The following TNPO1 variants were observed in gnomAD, a reference collection of about 807,000 sequenced individuals.
TNPO1 encodes transportin-1.
A neutral mutation model predicts 119.5 loss-of-function variants in TNPO1; 8 were observed. The ratio of observed to expected loss-of-function variants is 0.07; its 90% CI spans 0.04 to 0.12. The LOEUF (loss-of-function observed/expected upper bound fraction) is 0.12, where lower values mean the gene tolerates loss of function less well. Ranked by LOEUF, TNPO1 falls within the 10% of genes least tolerant of loss-of-function variation. The probability of loss-of-function intolerance (pLI) is 1.00; values close to 1 mark genes in which losing one functional copy is unlikely to be tolerated. For missense variants in TNPO1, 576 were observed against 1,089.8 expected (o/e 0.53, Z 6.64); for synonymous variants, 362 against 363.0 (o/e 1.00, Z 0.03).
intron 6 of TNPO1, among the ~76,000 whole-genome samples, chr5:72,866,386 C>A (rs1366322613): frequency 6.6e-6 from 1 of 152,140 alleles, no homozygotes; most frequent in Non-Finnish European, 1.5e-5. Context: ...GGAAGTTTCC[C>A]CCTTTTAACA....
At chr5:72,839,660 C>T (rs1310975575) in intron 1 of TNPO1, among the ~76,000 whole-genome samples, 4 of 152,080 alleles carry the variant, frequency 2.6e-5, no homozygotes, top group Non-Finnish European at 5.9e-5. Flanking sequence ...AGTCTGTATT[C>T]TGTTGTCTTT....
At chr5:72,872,332 TA>T (rs879749761) in intron 6 of TNPO1, among the ~76,000 whole-genome samples, 75 of 148,808 alleles carry the variant, frequency 5.0e-4, no homozygotes, top group African/African-American at 1.3e-3. Flanking sequence ...TGTAGGCATC[TA>T]AAAAAAAAAA....
At chr5:72,819,750 G>A (rs1428526975) in intron 1 of TNPO1, among the ~76,000 whole-genome samples, 1 of 152,118 alleles carries the variant, frequency 6.6e-6, no homozygotes, top group Non-Finnish European at 1.5e-5. Flanking sequence ...CAGGCGCTTT[G>A]GAGCCACACT....
chr5:72,826,324 T>G (rs575358155), intron 1 of TNPO1, among the ~76,000 whole-genome samples: 1 of 152,150 alleles, frequency 6.6e-6, no homozygotes, highest in Non-Finnish European at 1.5e-5. Flanking sequence ...GTACATCCTA[T>G]AAGCAAAAGA....
chr5:72,833,337 C>G (rs1299748416), intron 1 of TNPO1, among the ~76,000 whole-genome samples: 1 of 152,176 alleles, frequency 6.6e-6, no homozygotes, highest in African/African-American at 2.4e-5. Context: ...TCGTCCACCT[C>G]TACCTCCCTA....
At chr5:72,877,476 T>G in intron 9 of TNPO1, 130 bp downstream of exon 9, 1 of 499,504 alleles carries the variant, frequency 2.0e-6, no homozygotes, top group Non-Finnish European at 3.5e-6. Context: ...GACTTAATTT[T>G]ATTGTTGGTA....
chr5:72,838,561 G>A lies in TNPO1; in HGVS notation c.16-9824G>A, dbSNP rs545918896. ...TTTACCAGCTCCTTAAATTCAGTAAGTATAGCTATAATTAGTAACTTTCCT... is the reference window on the plus strand; with the variant it reads ...TTTACCAGCTCCTTAAATTCAGTAAATATAGCTATAATTAGTAACTTTCCT... On this transcript the variant is annotated intron_variant, in intron 1 of 24. Coordinates refer to ENST00000337273, the MANE Select transcript of TNPO1 (RefSeq NM_002270.4). Among the ~76,000 whole-genome samples the A allele has an allele frequency of 3.4e-4, 52 of 152,176 alleles. 1 individual carries two copies. In the South Asian group the frequency reaches 0.01, roughly 30 times the overall value.
chr5:72,878,106 A>G (rs1272374324), intron 9 of TNPO1, among the ~76,000 whole-genome samples: 1 of 152,196 alleles, frequency 6.6e-6, no homozygotes, highest in African/African-American at 2.4e-5. Flanking sequence ...CATGGTATAC[A>G]TAACCATATT....
At chr5:72,892,235 A>G (rs1749116007) in intron 15 of TNPO1, among the ~76,000 whole-genome samples, 1 of 152,030 alleles carries the variant, frequency 6.6e-6, no homozygotes, top group African/African-American at 2.4e-5. Context: ...GCCAGTAAGG[A>G]GGTACTTATT....
At chr5:72,888,583 C>T (rs955543218) in intron 13 of TNPO1, among the ~76,000 whole-genome samples, 5 of 152,184 alleles carry the variant, frequency 3.3e-5, no homozygotes, top group African/African-American at 1.2e-4. Flanking sequence ...CTAAATGTGA[C>T]AACATCGATC....
At chr5:72,893,850 T>A (rs953808756) in intron 18 of TNPO1, 147 bp downstream of exon 18, 2 of 791,148 alleles carry the variant, frequency 2.5e-6, no homozygotes, top group Non-Finnish European at 4.0e-6. Flanking sequence ...TTGCTGTGAT[T>A]GAAACAGGCA....
At chr5:72,908,070 T>C (rs937819586) in intron 24 of TNPO1, among the ~76,000 whole-genome samples, 2 of 151,918 alleles carry the variant, frequency 1.3e-5, no homozygotes, top group Non-Finnish European at 2.9e-5. Context: ...AATAAATAAA[T>C]GTTAAATTTG....
At chr5:72,889,709 A>G in intron 13 of TNPO1, 77 bp from the exon 14 acceptor site, 1 of 1,467,736 alleles carries the variant, frequency 6.8e-7, no homozygotes, top group South Asian at 1.5e-5. Context: ...GGTAAAACAG[A>G]ACATAAACAT....
rs190331495 is a variant in TNPO1 at position 72,897,738 on chromosome 5, G to A, written c.2338+587G>A. Among the ~76,000 whole-genome samples, 9 of 151,194 alleles carry A rather than the reference G, an allele frequency of 6.0e-5. No homozygotes were observed. In the East Asian group the frequency reaches 1.8e-3, roughly 29 times the overall value. On this transcript the variant is annotated intron_variant, in intron 20 of 24. Coordinates refer to ENST00000337273, the MANE Select transcript of TNPO1 (RefSeq NM_002270.4). ...ATAGAACACATTTGTGGGTGGATTC[G>A]GTCCTTTTCTTTCTACCCTCCCTGA... is the stretch of plus-strand genomic sequence containing the variant.
chr5:72,908,216 C>T (rs1473264274), intron 24 of TNPO1, among the ~76,000 whole-genome samples: 1 of 151,974 alleles, frequency 6.6e-6, no homozygotes, highest in African/African-American at 2.4e-5. Flanking sequence ...AACAAATGCT[C>T]TTTTGTGTTT....
At chr5:72,870,417 C>T (rs1023775848) in intron 6 of TNPO1, among the ~76,000 whole-genome samples, 3 of 152,200 alleles carry the variant, frequency 2.0e-5, no homozygotes, top group African/African-American at 7.2e-5. Context: ...CCACCGTAGC[C>T]TCCCAGAGTG....
At chr5:72,817,039 A>C in intron 1 of TNPO1, 1 of 469,044 alleles carries the variant, frequency 2.1e-6, no homozygotes. Context: ...GCGGGAAGGG[A>C]AGGGTCTTAC....
chr5:72,852,040 T>C, intron 3 of TNPO1, among the ~76,000 whole-genome samples: 1 of 152,216 alleles, frequency 6.6e-6, no homozygotes, highest in Non-Finnish European at 1.5e-5. Flanking sequence ...ATGATTATTG[T>C]TGATCTCTTC....
At chr5:72,905,214 A>C in intron 23 of TNPO1, 89 bp from the exon 24 acceptor site, 1 of 981,460 alleles carries the variant, frequency 1.0e-6, no homozygotes, top group Non-Finnish European at 1.6e-6. Flanking sequence ...AAAATTTATA[A>C]AAAAATCAGC....
Sources: allele counts gnomAD v4.1 joint callset (sites outside exome capture counted in the v4.1 genomes callset), GRCh38; gene constraint gnomAD v4.1.1; transcripts MANE v1.5; gene names NCBI Gene and HGNC (gene_info 2026-07-23, HGNC 2026-07-21).